ARHGAP18: variants seen among roughly 807,000 people sequenced by gnomAD.
ARHGAP18 encodes the protein rho GTPase-activating protein 18.
A neutral mutation model predicts 86.2 loss-of-function variants in ARHGAP18; 67 were observed. The observed-to-expected ratio is 0.78, with a 90% confidence interval of 0.64 to 0.95. ARHGAP18 has a LOEUF of 0.95. Among genes scored for constraint, ARHGAP18 ranks in the 40% least tolerant of loss-of-function variants. ARHGAP18 has a pLI of 0.00. For synonymous variants in ARHGAP18, 283 were observed against 280.4 expected (o/e 1.01, Z -0.09); for missense variants, 691 against 780.4 (o/e 0.89, Z 1.37).
intron 7 of ARHGAP18, among the ~76,000 whole-genome samples, chr6:129,615,341 G>A (rs867758499): frequency 6.6e-6 from 1 of 152,160 alleles, no homozygotes; most frequent in African/African-American, 2.4e-5. Context: ...AGTTTGTCAG[G>A]AGAAATAATG....
chr6:129,605,578 A>G (rs1007633022), intron 10 of ARHGAP18, among the ~76,000 whole-genome samples: 23 of 152,262 alleles, frequency 1.5e-4, no homozygotes, highest in African/African-American at 5.3e-4. Flanking sequence ...AAGAAATAAG[A>G]AGGAGAAAAA....
intron 1 of ARHGAP18, among the ~76,000 whole-genome samples, chr6:129,644,000 A>AAAG (rs1773525089): frequency 6.6e-6 from 1 of 152,206 alleles, no homozygotes; most frequent in African/African-American, 2.4e-5. Flanking sequence ...TTTAAAGATG[A>AAAG]TTCTTCCTGC....
chr6:129,640,522 A>C (rs551979424), intron 2 of ARHGAP18, among the ~76,000 whole-genome samples: 7 of 152,268 alleles, frequency 4.6e-5, no homozygotes, highest in Non-Finnish European at 1.0e-4. Flanking sequence ...TATTTGGGAA[A>C]CAATGAGAGA....
intron 12 of ARHGAP18, among the ~76,000 whole-genome samples, chr6:129,586,411 T>C (rs949439812): frequency 5.3e-5 from 8 of 152,198 alleles, no homozygotes; most frequent in Non-Finnish European, 1.2e-4. Flanking sequence ...TATAAAACAA[T>C]AGTAAATAAA....
chr6:129,631,914 TTGAA>T (rs1773226712), intron 4 of ARHGAP18, among the ~76,000 whole-genome samples: 2 of 151,180 alleles, frequency 1.3e-5, no homozygotes, highest in Non-Finnish European at 1.5e-5. Flanking sequence ...GAGTTTATGA[TTGAA>T]TGAAAAATGA....
rs55681217 is a variant in ARHGAP18 at position 129,655,317 on chromosome 6, CAAAAAAAAAAA to C, written c.114-13310_114-13300del. Among the ~76,000 whole-genome samples the C allele has an allele frequency of 8.5e-4, 64 of 75,092 alleles. 1 individual carries two copies. In the South Asian group the frequency reaches 0.011, roughly 13 times the overall value. 49.3% of individuals were successfully genotyped at this position (75,092 alleles called of 152,430 possible). On this transcript the variant is annotated intron_variant, in intron 1 of 14. Coordinates refer to ENST00000368149, the MANE Select transcript of ARHGAP18 (RefSeq NM_033515.3). ...CTGGGTGACAAGAGCAAAACTCTCTCAAAAAAAAAAAAAAAAAAAAAAAAGAAAAGAAAAGA... is the reference window on the plus strand; with the variant it reads ...CTGGGTGACAAGAGCAAAACTCTCTCAAAAAAAAAAAAAGAAAAGAAAAGA...
intron 6 of ARHGAP18, among the ~76,000 whole-genome samples, chr6:129,616,833 A>C (rs1431700458): frequency 6.6e-6 from 1 of 152,098 alleles, no homozygotes; most frequent in Admixed American, 6.5e-5. Flanking sequence ...GCAGGCTCCT[A>C]TAGTCCCAGC....
intron 1 of ARHGAP18, among the ~76,000 whole-genome samples, chr6:129,647,004 C>A (rs1369539229): frequency 1.3e-5 from 2 of 152,168 alleles, no homozygotes; most frequent in African/African-American, 2.4e-5. Context: ...CTGAGAGAAA[C>A]AGACTTGCTT....
At chr6:129,643,768 T>G (rs941127862) in intron 1 of ARHGAP18, among the ~76,000 whole-genome samples, 4 of 151,856 alleles carry the variant, frequency 2.6e-5, no homozygotes, top group Admixed American at 2.6e-4. Context: ...AATAATAGTG[T>G]GTGAACATTC....
intron 1 of ARHGAP18, among the ~76,000 whole-genome samples, chr6:129,686,139 C>T (rs1774420025): frequency 6.6e-6 from 1 of 152,224 alleles, no homozygotes; most frequent in Non-Finnish European, 1.5e-5. Context: ...GAACCCAACT[C>T]TTACTATTTC....
chr6:129,641,738 TG>T (rs2114499803), intron 2 of ARHGAP18, 77 bp downstream of exon 2: 2 of 1,327,054 alleles, frequency 1.5e-6, no homozygotes, highest in Admixed American at 2.3e-5. Flanking sequence ...ATTTTTTTTT[TG>T]TTCTCTTCCT....
In ARHGAP18 at chr6:129,578,239, C is replaced by A. The variant is rs1409860567; in HGVS notation, c.*274G>T. 5.9e-6 allele frequency: 1 copy of A among 170,598 alleles called. No homozygotes were observed. The highest frequency in any genetic ancestry group is 2.4e-5 in the African/African-American group (1 of 42,094). The allele number at this position is 170,598 out of a possible 1,614,324, so 10.6% of individuals were successfully genotyped here. ...AAAAAAAAACTATGTCACATCTGGACACATTTCACAGAGCATATGAAAACT... is the reference window on the plus strand; with the variant it reads ...AAAAAAAAACTATGTCACATCTGGAAACATTTCACAGAGCATATGAAAACT... On this transcript the variant is annotated 3_prime_UTR_variant, in exon 15 of 15. Coordinates refer to ENST00000368149, the MANE Select transcript of ARHGAP18 (RefSeq NM_033515.3).
At chr6:129,660,048 A>G (rs1415035398) in intron 1 of ARHGAP18, among the ~76,000 whole-genome samples, 2 of 152,180 alleles carry the variant, frequency 1.3e-5, no homozygotes, top group Admixed American at 1.3e-4. Flanking sequence ...AGGGAGGTAC[A>G]ACCCCCTGGG....
At chr6:129,625,907 TATTA>T (rs1392660741) in intron 5 of ARHGAP18, among the ~76,000 whole-genome samples, 1 of 89,092 alleles carries the variant, frequency 1.1e-5, no homozygotes, top group Non-Finnish European at 2.1e-5. Context: ...TATATTTATA[TATTA>T]TATATTATAG....
intron 1 of ARHGAP18, 124 bp downstream of exon 1, chr6:129,709,900 T>G (rs1774876124): frequency 1.4e-6 from 1 of 723,928 alleles, no homozygotes. Flanking sequence ...TTGCTACTGC[T>G]GCTGCACGAG....
At chr6:129,643,125 T>G (rs1773504374) in intron 1 of ARHGAP18, among the ~76,000 whole-genome samples, 1 of 151,968 alleles carries the variant, frequency 6.6e-6, no homozygotes, top group African/African-American at 2.4e-5. Context: ...AAATAATTTT[T>G]TGTTTTATTA....
At chr6:129,605,856 A>G (rs765794990) in intron 10 of ARHGAP18, 21 bp downstream of exon 10, 33 of 1,597,964 alleles carry the variant, frequency 2.1e-5, no homozygotes, top group South Asian at 1.3e-4. Flanking sequence ...GGGATATTTA[A>G]TGTAAATTAA....
intron 1 of ARHGAP18, among the ~76,000 whole-genome samples, chr6:129,665,094 C>G (rs1774013834): frequency 6.6e-6 from 1 of 152,186 alleles, no homozygotes; most frequent in Admixed American, 6.5e-5. Context: ...CCTCCCACCT[C>G]TTCATTCCCC....
chr6:129,661,235 C>G (rs1773944237), intron 1 of ARHGAP18, among the ~76,000 whole-genome samples: 1 of 149,512 alleles, frequency 6.7e-6, no homozygotes, highest in Non-Finnish European at 1.5e-5. Flanking sequence ...CACCTGTAGT[C>G]CTAGCTTCTG....
Sources: gnomAD v4.1 joint callset for allele counts (sites outside exome capture counted in the v4.1 genomes callset) on GRCh38, gnomAD v4.1.1 for gene constraint, MANE v1.5 for transcripts, NCBI Gene and HGNC (gene_info 2026-07-23, HGNC 2026-07-21) for gene names.